The following BAIAP2 variants were observed in gnomAD, a reference collection of about 807,000 sequenced individuals.
BAIAP2 encodes BAR/IMD domain containing adaptor protein 2.
In BAIAP2, 18 loss-of-function variants were observed where a neutral mutation model predicts 63.0. The observed-to-expected ratio is 0.29, with a 90% CI of 0.20 to 0.42. The LOEUF is 0.42. BAIAP2 is among the 10% of genes least tolerant of loss of function. The pLI is 1.00. For synonymous variants in BAIAP2, 386 were observed against 307.6 expected, an observed-to-expected ratio of 1.25 and a Z score of -2.67; for missense variants, 610 against 734.3, an observed-to-expected ratio of 0.83 and a Z score of 1.96.
intron 10 of BAIAP2, chr17:81,105,016 G>T: frequency 3.3e-6 from 1 of 302,508 alleles, no homozygotes; most frequent in South Asian, 4.4e-5. Context: ...TCCCCCAATG[G>T]CAGGTATCTC....
intron 2 of BAIAP2, 37 bp from the exon 3 acceptor site, chr17:81,057,844 G>C: frequency 6.3e-7 from 1 of 1,597,788 alleles, no homozygotes; most frequent in South Asian, 1.1e-5. Flanking sequence ...TCTGTCCCTC[G>C]TGGAGGAAAT....
chr17:81,107,142 G>C (rs1598818962), intron 12 of BAIAP2: 6 of 539,458 alleles, frequency 1.1e-5, no homozygotes, highest in Non-Finnish European at 1.9e-5. Context: ...GCTGGGGTCA[G>C]CCTGTCCCTC....
chr17:81,111,042 G>A (rs1307842932), intron 13 of BAIAP2: 17 of 1,552,532 alleles, frequency 1.1e-5, no homozygotes, highest in Non-Finnish European at 1.5e-5. Flanking sequence ...ACGCAGCCTG[G>A]GTGGGGAGGG....
chr17:81,055,574 G>GTTTTTTGTTTTTTGTTTTGTT (rs370775327), intron 2 of BAIAP2, among the ~76,000 whole-genome samples: 1 of 123,406 alleles, frequency 8.1e-6, no homozygotes, highest in African/African-American at 2.9e-5. Context: ...AGGGTGTTTT[G>GTTTTTTGTTTTTTGTTTTGTT]TTTTTTTTTG....
chr17:81,115,475 G>GCCCCA (rs1205916088), intron 13 of BAIAP2, among the ~76,000 whole-genome samples: 3 of 149,370 alleles, frequency 2.0e-5, no homozygotes, highest in East Asian at 3.9e-4. Context: ...GGCCTGCCCC[G>GCCCCA]CCCCACCCCG....
intron 10 of BAIAP2, chr17:81,105,809 G>T: frequency 2.5e-6 from 1 of 403,872 alleles, no homozygotes; most frequent in Non-Finnish European, 4.6e-6. Context: ...CAACTGCTCT[G>T]CCCGGGCTCT....
chr17:81,089,929 G>A (rs556327974), intron 6 of BAIAP2, among the ~76,000 whole-genome samples: 53 of 152,146 alleles, frequency 3.5e-4, no homozygotes, highest in Admixed American at 1.0e-3. Flanking sequence ...GACGCTTGGC[G>A]AGCCTCATCT....
intron 13 of BAIAP2, among the ~76,000 whole-genome samples, chr17:81,113,877 G>A (rs115360880): frequency 7.2e-5 from 11 of 152,192 alleles, no homozygotes; most frequent in African/African-American, 1.4e-4. Flanking sequence ...GCTGTGATTC[G>A]GGGCAGGAGT....
intron 1 of BAIAP2, chr17:81,036,771 C>T (rs376777101): frequency 6.2e-6 from 7 of 1,137,932 alleles, no homozygotes; most frequent in Non-Finnish European, 8.9e-6. Context: ...CGGTTCTGGC[C>T]TTGTTGCTCT....
chr17:81,110,302 C>A, intron 13 of BAIAP2: 1 of 986,334 alleles, frequency 1.0e-6, no homozygotes, highest in Non-Finnish European at 1.2e-6. Flanking sequence ...GTGTAGAGAC[C>A]CTTCCGCGCC....
intron 6 of BAIAP2, among the ~76,000 whole-genome samples, chr17:81,099,360 T>C (rs1012061489): frequency 3.3e-5 from 5 of 152,178 alleles, no homozygotes; most frequent in Non-Finnish European, 7.4e-5. Flanking sequence ...GAGTCCCCTC[T>C]GCAGCAGAGG....
intron 1 of BAIAP2, among the ~76,000 whole-genome samples, chr17:81,045,271 G>A (rs912363209): frequency 6.6e-6 from 1 of 152,214 alleles, no homozygotes; most frequent in African/African-American, 2.4e-5. Flanking sequence ...AAAGGGAGAT[G>A]CTGCTGCAAC....
chr17:81,096,881 T>TGC (rs1437598210), intron 6 of BAIAP2, among the ~76,000 whole-genome samples: 1 of 152,128 alleles, frequency 6.6e-6, no homozygotes, highest in African/African-American at 2.4e-5. Flanking sequence ...CCCTGGTAGG[T>TGC]GCATGTTGCA....
At chr17:81,058,042 C>A in intron 3 of BAIAP2, 75 bp downstream of exon 3, 1 of 1,208,602 alleles carries the variant, frequency 8.3e-7, no homozygotes, top group Non-Finnish European at 1.1e-6. Flanking sequence ...GTCCTGTGTC[C>A]AGCCGCTTTT....
chr17:81,103,674 CG>C lies in BAIAP2; in HGVS notation c.820del (p.Ala274ProfsTer26). The C allele has an allele frequency of 1.3e-6, 2 of 1,594,510 alleles. No individual in the cohort carries two copies. On this transcript the variant is annotated frameshift_variant, in exon 8 of 14. Coordinates refer to ENST00000428708, the MANE Select transcript of BAIAP2 (RefSeq NM_001144888.2). LOFTEE classifies it high-confidence loss of function. ...KSNLVISDPI[P>X]GAKPLPVPPE... is the part of the protein sequence containing the mutation. Reference sequence around the variant, plus strand: ...AACCTGGTCATTTCCGACCCCATTCCGGGGGCCAAGCCCCTGCCGGTGCCCC... The same window carrying C: ...AACCTGGTCATTTCCGACCCCATTCCGGGGCCAAGCCCCTGCCGGTGCCCC...
intron 1 of BAIAP2, among the ~76,000 whole-genome samples, chr17:81,050,235 C>T (rs1262848979): frequency 1.3e-5 from 2 of 152,232 alleles, no homozygotes; most frequent in African/African-American, 2.4e-5. Context: ...AATGTTGGCT[C>T]AGTGGGATCG....
Position 81,106,741 on chromosome 17 carries a change from A to G in BAIAP2, c.1338-4A>G. On this transcript the variant is annotated splice_polypyrimidine_tract_variant and splice_region_variant and intron_variant, in intron 11 of 13. Coordinates refer to ENST00000428708, the MANE Select transcript of BAIAP2 (RefSeq NM_001144888.2). ...GGGCCGCCTCTGAGTCCCTGTCCCT[A>G]CAGCCTGCAGCAAGGGAAGAGCAGC... is the stretch of plus-strand genomic sequence containing the variant. 6.2e-7 allele frequency: 1 copy of G among 1,612,548 alleles called. No homozygotes were observed. The highest frequency in any genetic ancestry group is 8.5e-7 in the Non-Finnish European group (1 of 1,179,762).
chr17:81,101,044 G>A (rs552427365), intron 7 of BAIAP2, among the ~76,000 whole-genome samples: 41 of 151,150 alleles, frequency 2.7e-4, no homozygotes, highest in African/African-American at 9.4e-4. Flanking sequence ...CCCGCTAGGC[G>A]TCCCCCGGCA....
At position 81,077,637 on chromosome 17, in the gene BAIAP2, T is replaced by C. The variant is rs188973047; in HGVS notation, c.218-7195T>C. Among the ~76,000 whole-genome samples the C allele has an allele frequency of 3.2e-3, 484 of 152,202 alleles. 2 individuals are homozygous for C. The highest frequency in any genetic ancestry group is 3.3e-3 in the Non-Finnish European group (227 of 68,030). The stretch of plus-strand genomic sequence containing the variant: ...TCTCAATTTTAAAAAAAGAGCCTAA[T>C]GCTGGGAGGACGGATGCTTGGGCTT... On this transcript the variant is annotated intron_variant, in intron 3 of 13. Coordinates refer to ENST00000428708, the MANE Select transcript of BAIAP2 (RefSeq NM_001144888.2).
Sources: gnomAD v4.1 joint callset for allele counts (sites outside exome capture counted in the v4.1 genomes callset) on GRCh38, gnomAD v4.1.1 for gene constraint, MANE v1.5 for transcripts, NCBI Gene and HGNC (gene_info 2026-07-23, HGNC 2026-07-21) for gene names.